Variants in PAK1 observed in about 807,000 individuals in gnomAD.
The protein encoded by PAK1 is p21 (RAC1) activated kinase 1.
A neutral mutation model predicts 67.4 loss-of-function variants in PAK1; 29 were observed. The ratio of observed to expected loss-of-function variants is 0.43; its 90% CI spans 0.32 to 0.59. The LOEUF (loss-of-function observed/expected upper bound fraction) is 0.59. PAK1 is among the 20% of genes least tolerant of loss of function. The pLI is 0.07. For missense variants in PAK1, 337 were observed against 670.7 expected (o/e 0.50, Z 5.50); for synonymous variants, 223 against 237.4 (o/e 0.94, Z 0.56).
At position 77,470,038 on chromosome 11, in the gene PAK1, A is replaced by G. The variant is rs548412705; in HGVS notation, c.-22+3514T>C. On this transcript the variant is annotated intron_variant, in intron 1 of 14. Transcript: ENST00000356341. ...AACTGTAGTGAGATGTATTCTTTTG[A>G]TAACCTTAAACTTGTCTCTTTACTA... is the stretch of plus-strand genomic sequence containing the variant. Among the ~76,000 whole-genome samples, 22 of 152,274 alleles carry G rather than the reference A, an allele frequency of 1.4e-4. No individual in the cohort carries two copies. In the South Asian group the frequency reaches 4.6e-3, roughly 32 times the overall value.
the PAK1 span, among the ~76,000 whole-genome samples, chr11:77,482,064 C>A: frequency 1.3e-5 from 2 of 152,084 alleles, no homozygotes; most frequent in Admixed American, 6.5e-5. Flanking sequence ...TCTTGGCTCA[C>A]TGCAAGCTCC....
At chr11:77,465,463 C>T (rs1259945996) in intron 1 of PAK1, among the ~76,000 whole-genome samples, 1 of 151,824 alleles carries the variant, frequency 6.6e-6, no homozygotes, top group African/African-American at 2.4e-5. Flanking sequence ...TCTAGAAAGT[C>T]CAGGAAACTT....
chr11:77,322,978 C>T lies in PAK1; in HGVS notation c.*296G>A, dbSNP rs1301130958. 1.7e-6 allele frequency: 1 copy of T among 599,968 alleles called. No individual in the cohort carries two copies. Among genetic ancestry groups the T allele is most frequent in the African/African-American group, 1.9e-5 (1 of 53,964 alleles). 37.2% of individuals were successfully genotyped at this position (599,968 alleles called of 1,614,324 possible). A position where few individuals can be genotyped will look rare whatever the true frequency, so the allele number is the denominator to read the frequency against. The stretch of plus-strand genomic sequence containing the variant: ...GTTATGAAGGAGGTGAGGATTTTGA[C>T]ACACGGAAGACTAGAAACATTTATT... On this transcript the variant is annotated 3_prime_UTR_variant, in exon 15 of 15. Transcript: ENST00000356341.
At chr11:77,327,652 A>C (rs1391487507) in intron 14 of PAK1, among the ~76,000 whole-genome samples, 149 of 139,718 alleles carry the variant, frequency 1.1e-3, no homozygotes, top group Middle Eastern at 3.6e-3. Context: ...CATGGAAAGG[A>C]ACAACCAGTA....
chr11:77,393,818 T>A (rs1436643680), intron 1 of PAK1, among the ~76,000 whole-genome samples: 2 of 151,974 alleles, frequency 1.3e-5, no homozygotes, highest in East Asian at 1.9e-4. Context: ...GCCTGGCCAA[T>A]ATGTTGAAAC....
intron 1 of PAK1, among the ~76,000 whole-genome samples, chr11:77,394,878 T>C (rs866945250): frequency 7.9e-5 from 12 of 151,016 alleles, no homozygotes; most frequent in Non-Finnish European, 1.3e-4. Flanking sequence ...ATACCCTTCA[T>C]TGACATCTCA....
At chr11:77,409,723 T>C (rs1954216978) in intron 1 of PAK1, among the ~76,000 whole-genome samples, 1 of 151,872 alleles carries the variant, frequency 6.6e-6, no homozygotes, top group South Asian at 2.1e-4. Context: ...CACTCATATG[T>C]AGGAGGTAAA....
At chr11:77,328,823 CA>C (rs1369999084) in intron 14 of PAK1, among the ~76,000 whole-genome samples, 2 of 152,018 alleles carry the variant, frequency 1.3e-5, no homozygotes, top group African/African-American at 2.4e-5. Flanking sequence ...AAAAACCCTT[CA>C]AAAAATTAAT....
At chr11:77,377,170 G>A (rs1949196921) in intron 4 of PAK1, among the ~76,000 whole-genome samples, 1 of 152,042 alleles carries the variant, frequency 6.6e-6, no homozygotes, top group South Asian at 2.1e-4. Flanking sequence ...AGTTACTCAG[G>A]AGGCTGAGGC....
chr11:77,363,134 T>C (rs1332408775), intron 5 of PAK1, among the ~76,000 whole-genome samples: 1 of 152,178 alleles, frequency 6.6e-6, no homozygotes, highest in Non-Finnish European at 1.5e-5. Flanking sequence ...TTTGGGTGGC[T>C]GCTGCCTGAT....
At chr11:77,397,704 T>C (rs1321829841) in intron 1 of PAK1, among the ~76,000 whole-genome samples, 2 of 152,250 alleles carry the variant, frequency 1.3e-5, no homozygotes, top group Non-Finnish European at 1.5e-5. Flanking sequence ...TCTACTCTTA[T>C]TACCCTGGAT....
chr11:77,409,914 A>C (rs1391644924), intron 1 of PAK1, among the ~76,000 whole-genome samples: 3 of 152,210 alleles, frequency 2.0e-5, no homozygotes. Context: ...AAATTTGCTG[A>C]GTAGAAATCA....
chr11:77,417,803 T>C (rs1955050068), intron 1 of PAK1, among the ~76,000 whole-genome samples: 1 of 151,822 alleles, frequency 6.6e-6, no homozygotes, highest in Admixed American at 6.6e-5. Context: ...GGTGTGATCC[T>C]GGCTCACTGC....
intron 11 of PAK1, among the ~76,000 whole-genome samples, chr11:77,338,755 C>A (rs183737981): frequency 6.6e-6 from 1 of 152,130 alleles, no homozygotes; most frequent in Admixed American, 6.6e-5. Flanking sequence ...GAATGAGGTA[C>A]TGATACATGC....
intron 5 of PAK1, among the ~76,000 whole-genome samples, chr11:77,359,390 T>C (rs1355974067): frequency 6.6e-6 from 1 of 152,202 alleles, no homozygotes; most frequent in African/African-American, 2.4e-5. Context: ...GTATGAAATG[T>C]AGGGAAGAGA....
intron 5 of PAK1, among the ~76,000 whole-genome samples, chr11:77,367,924 A>G (rs1947831033): frequency 6.6e-6 from 1 of 152,262 alleles, no homozygotes; most frequent in Non-Finnish European, 1.5e-5. Flanking sequence ...GGTTGCAGTG[A>G]GCTGAGATCA....
At chr11:77,478,210 A>AT (rs904292564), upstream of PAK1, among the ~76,000 whole-genome samples, 794 of 148,750 alleles carry the variant, frequency 5.3e-3, 3 homozygotes, top group Middle Eastern at 0.01. Flanking sequence ...CCAAGAAGTT[A>AT]TTTTTTTTTT....
the PAK1 span, among the ~76,000 whole-genome samples, chr11:77,524,034 C>G: frequency 2.6e-5 from 4 of 152,116 alleles, no homozygotes; most frequent in African/African-American, 9.7e-5. Flanking sequence ...GTGCAATGTA[C>G]TGGTAATAAA....
At chr11:77,341,610 C>G (rs2083128821) in intron 10 of PAK1, among the ~76,000 whole-genome samples, 1 of 152,150 alleles carries the variant, frequency 6.6e-6, no homozygotes, top group African/African-American at 2.4e-5. Context: ...CCTATTTGGT[C>G]AATGTTTCCT....
Sources: gnomAD v4.1 joint callset for allele counts (sites outside exome capture counted in the v4.1 genomes callset) on GRCh38, gnomAD v4.1.1 for gene constraint, MANE v1.5 for transcripts, NCBI Gene and HGNC (gene_info 2026-07-23, HGNC 2026-07-21) for gene names.